Variants in CPNE5 observed in about 807,000 individuals in gnomAD.
CPNE5 encodes copine-5.
In CPNE5, 42 loss-of-function variants were observed where a neutral mutation model predicts 81.1. The observed-to-expected ratio is 0.52, with a 90% CI of 0.40 to 0.67. CPNE5 has a LOEUF of 0.67. Ranked by LOEUF, CPNE5 falls within the 30% of genes least tolerant of loss-of-function variation. The pLI, the probability that CPNE5 is intolerant of heterozygous loss-of-function variation, is 0.00. For missense variants in CPNE5, 612 were observed against 815.5 expected (o/e 0.75, Z 3.04); for synonymous variants, 313 against 321.5 (o/e 0.97, Z 0.28).
At chr6:36,783,647 G>A (rs1485777125) in intron 8 of CPNE5, among the ~76,000 whole-genome samples, 1 of 152,144 alleles carries the variant, frequency 6.6e-6, no homozygotes, top group Non-Finnish European at 1.5e-5. Context: ...GGGACCACAG[G>A]TGTGTGCCAC....
At chr6:36,822,203 G>C (rs1347330692) in intron 2 of CPNE5, 43 bp from the exon 3 acceptor site, 2 of 1,432,808 alleles carry the variant, frequency 1.4e-6, no homozygotes. Flanking sequence ...CTCAGGCCAA[G>C]AGGAAGGAGG....
chr6:36,821,330 T>C (rs148652399), intron 3 of CPNE5, among the ~76,000 whole-genome samples: 51 of 151,066 alleles, frequency 3.4e-4, no homozygotes, highest in Non-Finnish European at 6.6e-4. Context: ...TGGGAGGCCA[T>C]GAAGGGACGG....
At chr6:36,759,708 C>T (rs1765835810) in intron 12 of CPNE5, among the ~76,000 whole-genome samples, 1 of 151,996 alleles carries the variant, frequency 6.6e-6, no homozygotes. Flanking sequence ...CAGGGAGGCT[C>T]CGTGGACCAA....
chr6:36,838,006 G>A (rs1773674676), intron 1 of CPNE5, among the ~76,000 whole-genome samples: 1 of 152,104 alleles, frequency 6.6e-6, no homozygotes, highest in African/African-American at 2.4e-5. Flanking sequence ...GGACCTGGGA[G>A]CTATCACAGG....
chr6:36,836,693 G>A (rs1361033584), intron 1 of CPNE5, among the ~76,000 whole-genome samples: 6 of 152,104 alleles, frequency 3.9e-5, no homozygotes, highest in East Asian at 1.9e-4. Flanking sequence ...GAATATGCTG[G>A]AGAAAGCCAC....
At chr6:36,743,873 CT>C (rs2150352865) in intron 19 of CPNE5, 111 bp from the exon 20 acceptor site, 1 of 924,012 alleles carries the variant, frequency 1.1e-6, no homozygotes, top group East Asian at 2.5e-5. Flanking sequence ...GCCGAGACCA[CT>C]GGCCCATGCC....
chr6:36,794,192 C>T (rs1360343865), intron 7 of CPNE5, among the ~76,000 whole-genome samples: 1 of 111,796 alleles, frequency 8.9e-6, no homozygotes, highest in Non-Finnish European at 1.7e-5. Flanking sequence ...AGGATAAAGA[C>T]AGGGGAGGAA....
Position 36,742,277 on chromosome 6 carries a change from C to G in CPNE5, c.1773G>C (p.Thr591=). 1.3e-6 allele frequency: 2 copies of G among 1,584,504 alleles called. No homozygotes were observed. The part of the protein sequence containing the change: ...ARTPPASPLH[T]HI ...CCTGCTGAGACCAGGTTCAGATGTGCGTGTGCAGGGGGGACGCAGGGGGCG... is the reference window on the plus strand; with the variant it reads ...CCTGCTGAGACCAGGTTCAGATGTGGGTGTGCAGGGGGGACGCAGGGGGCG... The change falls in exon 21 of 21, where the codon ACG becomes ACC. Residue 591 remains threonine (T), a synonymous_variant. Transcript: ENST00000244751.
At chr6:36,744,237 G>A (rs760300969) in intron 19 of CPNE5, 31 bp downstream of exon 19, 10 of 1,554,474 alleles carry the variant, frequency 6.4e-6, no homozygotes, top group East Asian at 4.7e-5. Flanking sequence ...GCTAGGGAAG[G>A]AAAGGAGGGG....
chr6:36,752,122 T>C (rs1764906641), intron 14 of CPNE5, among the ~76,000 whole-genome samples: 1 of 152,118 alleles, frequency 6.6e-6, no homozygotes, highest in African/African-American at 2.4e-5. Context: ...TCCCAGGACC[T>C]GACTTCTCCC....
At chr6:36,769,949 C>T (rs1766916032) in intron 10 of CPNE5, among the ~76,000 whole-genome samples, 1 of 152,246 alleles carries the variant, frequency 6.6e-6, no homozygotes, top group Non-Finnish European at 1.5e-5. Context: ...ACACTCTTAA[C>T]ACCCTCTTAA....
chr6:36,751,947 A>G (rs997343002), intron 14 of CPNE5, among the ~76,000 whole-genome samples: 2 of 151,960 alleles, frequency 1.3e-5, no homozygotes, highest in Non-Finnish European at 2.9e-5. Flanking sequence ...AAGAGTGCAA[A>G]GGCGGGGTCT....
chr6:36,837,758 G>A (rs1191043882), intron 1 of CPNE5, among the ~76,000 whole-genome samples: 1 of 152,124 alleles, frequency 6.6e-6, no homozygotes, highest in African/African-American at 2.4e-5. Context: ...GGAATGGGCT[G>A]TTCAGAGGCT....
chr6:36,787,867 A>G (rs1376655992), intron 8 of CPNE5, among the ~76,000 whole-genome samples: 3 of 151,878 alleles, frequency 2.0e-5, no homozygotes, highest in Non-Finnish European at 4.4e-5. Context: ...AGGTGGAAGG[A>G]CCTGACTAGG....
At chr6:36,815,766 T>C (rs1771488254) in intron 3 of CPNE5, among the ~76,000 whole-genome samples, 1 of 152,250 alleles carries the variant, frequency 6.6e-6, no homozygotes, top group Non-Finnish European at 1.5e-5. Context: ...TTTCAGCTGC[T>C]GGTGAAAAGT....
rs1251675402 is a variant in CPNE5, at chr6:36,839,388, AC to A, written c.-12del. 11 of 1,534,998 alleles carry A rather than the reference AC, an allele frequency of 7.2e-6. No homozygotes were observed. Among genetic ancestry groups the A allele is most frequent in the East Asian group, 2.5e-5 (1 of 39,692 alleles). On this transcript the variant is annotated 5_prime_UTR_variant, in exon 1 of 21. Transcript: ENST00000244751. This position sits in a 1 kb window ranked among gnomAD's most constrained non-coding sequence, Gnocchi z 7.3. ...CTCAGGCTGCTCCATCGCCCACCGC[AC>A]CCCCCACCCCAAATTAGTCAATCCC...
intron 6 of CPNE5, among the ~76,000 whole-genome samples, chr6:36,795,209 C>G (rs897235949): frequency 2.0e-5 from 3 of 152,136 alleles, no homozygotes; most frequent in Non-Finnish European, 4.4e-5. Context: ...AACAGAGTCT[C>G]GCTCTGTCAC....
chr6:36,830,505 T>A (rs1276853655), intron 1 of CPNE5, among the ~76,000 whole-genome samples: 1 of 152,244 alleles, frequency 6.6e-6, no homozygotes, highest in African/African-American at 2.4e-5. Flanking sequence ...CCGCGTGCTC[T>A]GCTTCCCTGC....
chr6:36,758,097 C>T (rs1765662967), intron 12 of CPNE5, among the ~76,000 whole-genome samples: 1 of 152,152 alleles, frequency 6.6e-6, no homozygotes, highest in Admixed American at 6.5e-5. Flanking sequence ...TTGCCTAGTT[C>T]TGCCACCTAA....
Sources: allele counts gnomAD v4.1 joint callset (sites outside exome capture counted in the v4.1 genomes callset), GRCh38; gene constraint gnomAD v4.1.1; non-coding constraint Gnocchi (gnomAD v3.1); transcripts MANE v1.5; gene names NCBI Gene and HGNC (gene_info 2026-07-23, HGNC 2026-07-21).